HUS1: variants seen among roughly 807,000 people sequenced by gnomAD.
HUS1 encodes the protein HUS1 checkpoint clamp component.
A neutral mutation model predicts 32.6 loss-of-function variants in HUS1; 31 were observed. The ratio of observed to expected loss-of-function variants is 0.95; its 90% confidence interval spans 0.72 to 1.28. The LOEUF is 1.28. Among genes scored for constraint, HUS1 ranks in the 50% most tolerant of loss-of-function variants. The pLI is 0.00. For synonymous variants in HUS1, 123 were observed against 116.6 expected (o/e 1.06, Z -0.36); for missense variants, 340 against 337.7 (o/e 1.01, Z -0.05).
At chr7:47,969,704 G>A (rs1788555036) in intron 5 of HUS1, among the ~76,000 whole-genome samples, 1 of 152,094 alleles carries the variant, frequency 6.6e-6, no homozygotes, top group South Asian at 2.1e-4. Context: ...CACTGAGAAG[G>A]AACCACGGGA....
chr7:47,963,533 AGAG>A lies in HUS1; in HGVS notation c.*1820_*1822del, dbSNP rs2128763682. On this transcript the variant is annotated 3_prime_UTR_variant, in exon 8 of 8. Transcript: ENST00000258774. ...AGCTGGAATTAATTTCGTTACAATG[AGAG>A]GAGGAAGGGTTTAAAAATTAAAACG... 1.3e-5 allele frequency: 2 copies of A among 152,366 alleles called. No individual in the cohort carries two copies. Among genetic ancestry groups the A allele is most frequent in the East Asian group, 3.9e-4 (2 of 5,192 alleles). 9.4% of individuals were successfully genotyped at this position (152,366 alleles called of 1,614,324 possible). A position where few individuals can be genotyped will look rare whatever the true frequency, so the allele number is the denominator to read the frequency against.
chr7:47,974,128 A>C (rs191553749), intron 5 of HUS1, among the ~76,000 whole-genome samples: 6 of 152,282 alleles, frequency 3.9e-5, no homozygotes, highest in African/African-American at 1.4e-4. Context: ...TCAAATGTAC[A>C]TTTTCTAGGC....
intron 5 of HUS1, among the ~76,000 whole-genome samples, chr7:47,971,989 A>T (rs762318893): frequency 6.6e-6 from 1 of 152,148 alleles, no homozygotes; most frequent in Non-Finnish European, 1.5e-5. Context: ...CCCCAAACTT[A>T]CCTGTTGTAT....
At chr7:47,978,250 T>C (rs192913371) in intron 3 of HUS1, 167 bp downstream of exon 3, 2 of 562,362 alleles carry the variant, frequency 3.6e-6, no homozygotes, top group Admixed American at 3.3e-5. Flanking sequence ...AATTTTAAAA[T>C]GAGGAGGAAC....
At chr7:47,974,974 A>T (rs994406165) in intron 5 of HUS1, among the ~76,000 whole-genome samples, 3 of 152,224 alleles carry the variant, frequency 2.0e-5, no homozygotes, top group African/African-American at 7.2e-5. Flanking sequence ...ACTGTCAGTC[A>T]TATCAGTGAC....
intron 6 of HUS1, among the ~76,000 whole-genome samples, 173 bp from the exon 7 acceptor site, chr7:47,968,098 A>G (rs1788519153): frequency 6.6e-6 from 1 of 152,246 alleles, no homozygotes; most frequent in South Asian, 2.1e-4. Context: ...GGTCCTAACT[A>G]TTTAAAATAC....
At chr7:47,979,000 G>T (rs960100973) in intron 1 of HUS1, 184 bp from the exon 2 acceptor site, 11 of 606,790 alleles carry the variant, frequency 1.8e-5, no homozygotes, top group African/African-American at 9.3e-5. Flanking sequence ...CAAACTAGGG[G>T]AGATGTACAG....
chr7:47,969,955 CGG>C (rs1788560390), intron 5 of HUS1, among the ~76,000 whole-genome samples: 2 of 152,062 alleles, frequency 1.3e-5, no homozygotes, highest in Admixed American at 1.3e-4. Context: ...AAAAACCAGC[CGG>C]GCGCGGTGGC....
Position 47,973,098 on chromosome 7 carries a change from G to A in HUS1, c.540+2515C>T, listed in dbSNP as rs566062063. On this transcript the variant is annotated intron_variant, in intron 5 of 7. Coordinates refer to ENST00000258774, the MANE Select transcript of HUS1 (RefSeq NM_004507.4). ...GTGTTCTTCTCTCTCCAGCTGCCAT[G>A]TTAAGACGTGCCTTGCTTCCCCTTT... Among the ~76,000 whole-genome samples the A allele has an allele frequency of 9.8e-5, 15 of 152,312 alleles. No individual in the cohort carries two copies. The South Asian group carries it at 2.1e-3, about 21-fold the overall frequency.
chr7:47,979,499 G>A lies in HUS1; in HGVS notation c.21C>T (p.Ile7=), dbSNP rs751699588. 1.2e-6 allele frequency: 2 copies of A among 1,612,910 alleles called. No homozygotes were observed. Among genetic ancestry groups the A allele is most frequent in the Non-Finnish European group, 1.7e-6 (2 of 1,179,922 alleles). Residue 7 remains isoleucine (I), a synonymous_variant, in exon 1 of 8, where the codon ATC becomes ATT. Coordinates refer to ENST00000258774, the MANE Select transcript of HUS1 (RefSeq NM_004507.4). Reference sequence around the variant, plus strand: ...AGTGGTTCAGACAGGCCCCGTCCACGATCTTGGCCCGAAACTTCATGGCCG... The same window carrying A: ...AGTGGTTCAGACAGGCCCCGTCCACAATCTTGGCCCGAAACTTCATGGCCG... MKFRAK[I]VDGACLNHFT...
In HUS1 at chr7:47,978,598, G is replaced by A. The variant is rs956117369; in HGVS notation, c.181-5C>T. The A allele has an allele frequency of 3.7e-6, 6 of 1,612,696 alleles. No homozygotes were observed. The Admixed American group carries it at 6.7e-5, about 18-fold the overall frequency. ...AAATTCGTTGAAGAAGTTCTCCTAA[G>A]GGAAAAAAAATGAGGGATGAGGGAG... On this transcript the variant is annotated splice_region_variant and splice_polypyrimidine_tract_variant and intron_variant, in intron 2 of 7. Transcript: ENST00000258774.
At chr7:47,978,909 C>T in intron 1 of HUS1, 93 bp from the exon 2 acceptor site, 1 of 1,330,830 alleles carries the variant, frequency 7.5e-7, no homozygotes, top group South Asian at 1.4e-5. Context: ...TCATCAACTT[C>T]TCGGTGGAAA....
intron 5 of HUS1, among the ~76,000 whole-genome samples, chr7:47,970,381 A>G (rs1788574358): frequency 6.6e-6 from 1 of 152,110 alleles, no homozygotes; most frequent in African/African-American, 2.4e-5. Context: ...AATTAGAAAC[A>G]TAAGGAAAAA....
Position 47,979,519 on chromosome 7 carries a change from T to TGGCCGCGGATGGCGC in HUS1, c.-15_-1dup. The TGGCCGCGGATGGCGC allele has an allele frequency of 1.2e-6, 2 of 1,608,252 alleles. No individual in the cohort carries two copies. The highest frequency in any genetic ancestry group is 1.7e-6 in the Non-Finnish European group (2 of 1,178,606). On this transcript the variant is annotated 5_prime_UTR_variant, in exon 1 of 8. Coordinates refer to ENST00000258774, the MANE Select transcript of HUS1 (RefSeq NM_004507.4). Reference sequence around the variant, plus strand: ...TCCACGATCTTGGCCCGAAACTTCATGGCCGCGGATGGCGCAGCCGCGGCG... The same window carrying TGGCCGCGGATGGCGC: ...TCCACGATCTTGGCCCGAAACTTCATGGCCGCGGATGGCGCGGCCGCGGATGGCGCAGCCGCGGCG...
intron 5 of HUS1, 119 bp downstream of exon 5, chr7:47,975,494 A>T (rs918005175): frequency 1.4e-6 from 1 of 699,162 alleles, no homozygotes; most frequent in Non-Finnish European, 2.6e-6. Flanking sequence ...CCAGGTCCTC[A>T]TAAGTGGGAA....
intron 5 of HUS1, among the ~76,000 whole-genome samples, chr7:47,970,981 A>G (rs1363890622): frequency 6.6e-6 from 1 of 152,220 alleles, no homozygotes; most frequent in Non-Finnish European, 1.5e-5. Context: ...GTTACAGCAT[A>G]AACAGTGTGA....
At position 47,978,447 on chromosome 7, in the gene HUS1, G is replaced by C; in HGVS notation, c.327C>G (p.His109Gln). 1 of 1,614,256 alleles carries C rather than the reference G, an allele frequency of 6.2e-7. No individual in the cohort carries two copies. The highest frequency in any genetic ancestry group is 8.5e-7 in the Non-Finnish European group (1 of 1,180,032). The stretch of plus-strand genomic sequence containing the variant: ...CCACGGAGACCGTGAGGCAGGGAAA[G>C]TGTTTATTAGTCAGTTTGATTTTCA... The part of the protein sequence containing the change: ...RALKIKLTNK[H>Q]FPCLTVSVEL... The change falls in exon 3 of 8, where the codon CAC (histidine) becomes CAG (glutamine). Residue 109 changes from histidine to glutamine, a missense_variant. Transcript: ENST00000258774.
At chr7:47,968,743 C>T (rs967275829) in intron 6 of HUS1, 1 of 154,778 alleles carries the variant, frequency 6.5e-6, no homozygotes, top group African/African-American at 2.4e-5. Context: ...TGAACTGACT[C>T]TATCGTCCCT....
chr7:47,966,163 G>A (rs1047250638), intron 7 of HUS1, among the ~76,000 whole-genome samples: 4 of 152,090 alleles, frequency 2.6e-5, no homozygotes, highest in Non-Finnish European at 5.9e-5. Context: ...GAGAGGTGGT[G>A]CAAGGGCACA....
Sources: gnomAD v4.1 joint callset for allele counts (sites outside exome capture counted in the v4.1 genomes callset) on GRCh38, gnomAD v4.1.1 for gene constraint, MANE v1.5 for transcripts, NCBI Gene and HGNC (gene_info 2026-07-23, HGNC 2026-07-21) for gene names.